Variants in KMT2E observed in about 807,000 individuals in gnomAD.
The protein encoded by KMT2E is lysine methyltransferase 2E (inactive), also known as histone reader KMT2E.
A neutral mutation model predicts 184.6 loss-of-function variants in KMT2E; 30 were observed. The observed-to-expected ratio is 0.16, with a 90% confidence interval of 0.12 to 0.22. KMT2E has a LOEUF of 0.22. Ranked by LOEUF, KMT2E falls within the 10% of genes least tolerant of loss-of-function variation. The pLI is 1.00. For missense variants in KMT2E, 2,023 were observed against 2,237.4 expected, an observed-to-expected ratio of 0.90 and a Z score of 1.93; for synonymous variants, 815 against 776.5, an observed-to-expected ratio of 1.05 and a Z score of -0.82.
rs1799395606 is a variant in KMT2E at position 105,113,029 on chromosome 7, T to C, written c.5273T>C (p.Val1758Ala). The change falls in exon 27 of 27, where the codon GTA (valine) becomes GCA (alanine). Residue 1758 changes from valine to alanine, a missense_variant. Val to Ala is a moderately conservative substitution (Grantham distance 64). This residue lies in a region of KMT2E where 1,108 missense variants were observed against 1,050.9 expected (regional missense o/e 1.05). Transcript: ENST00000311117. ...TTTCCTTCGAGTGCTCATCCAACTG[T>C]ACCACCGTATCCCTCACAAGCTACA... Reference protein sequence around the residue: ...PLFPSSAHPTVPPYPSQATHH... With the variant: ...PLFPSSAHPTAPPYPSQATHH... The C allele has an allele frequency of 2.5e-6, 4 of 1,614,094 alleles. No homozygotes were observed. Among genetic ancestry groups the C allele is most frequent in the Non-Finnish European group, 3.4e-6 (4 of 1,180,030 alleles).
intron 22 of KMT2E, 161 bp from the exon 23 acceptor site, chr7:105,108,781 A>G (rs1475943477): frequency 2.7e-5 from 17 of 627,058 alleles, no homozygotes; most frequent in Admixed American, 2.4e-4. Flanking sequence ...TGCCTGGAAT[A>G]TAGTAGGCAT....
chr7:105,112,727 G>T lies in KMT2E; in HGVS notation c.4971G>T (p.Gly1657=). The change falls in exon 27 of 27, where the codon GGG becomes GGT. Residue 1657 remains glycine (G), a synonymous_variant. Transcript: ENST00000311117. ...HQQHSVAHVV[G]PVHAVTPGSH... ...AACACTCTGTAGCACATGTAGTAGG[G>T]CCTGTTCATGCGGTCACCCCTGGGT... 6.2e-7 allele frequency: 1 copy of T among 1,613,636 alleles called. No individual in the cohort carries two copies.
chr7:105,110,843 G>C lies in KMT2E; in HGVS notation c.4043G>C (p.Cys1348Ser), dbSNP rs1554401868. The change falls in exon 26 of 27, where the codon TGT (cysteine) becomes TCT (serine). Residue 1348 changes from cysteine to serine, a missense_variant. Cys to Ser is a moderately radical substitution (Grantham distance 112). Around this residue, in one of 8 missense-constraint regions of KMT2E, gnomAD observed 1,108 missense variants for 1,050.9 expected, o/e 1.05. Coordinates refer to ENST00000311117, the MANE Select transcript of KMT2E (RefSeq NM_182931.3). ...CPSPDTSQNT[C>S]KSPPKMSKPG... ...TCCCCAGATACTTCTCAAAATACTTGTAAAAGTCCTCCAAAAATGAGCAAG... is the reference window on the plus strand; with the variant it reads ...TCCCCAGATACTTCTCAAAATACTTCTAAAAGTCCTCCAAAAATGAGCAAG... The C allele has an allele frequency of 1.9e-6, 3 of 1,613,776 alleles. No homozygotes were observed. Among genetic ancestry groups the C allele is most frequent in the Non-Finnish European group, 2.5e-6 (3 of 1,179,700 alleles).
At chr7:105,098,531 G>C (rs1361614800) in intron 15 of KMT2E, among the ~76,000 whole-genome samples, 3 of 151,982 alleles carry the variant, frequency 2.0e-5, no homozygotes, top group Non-Finnish European at 2.9e-5. Flanking sequence ...TCAACCTCCT[G>C]AGTAGCTGGG....
At position 105,108,980 on chromosome 7, in the gene KMT2E, T is replaced by C. The variant is rs1178781373; in HGVS notation, c.3507T>C (p.Ala1169=). 2.5e-6 allele frequency: 4 copies of C among 1,613,306 alleles called. No homozygotes were observed. The highest frequency in any genetic ancestry group is 3.4e-6 in the Non-Finnish European group (4 of 1,179,280). ...AATACCGTAAGAGACAACGTGAAGCTAGGAAAAGTGGCTCTAAGACAGAGA... is the reference window on the plus strand; with the variant it reads ...AATACCGTAAGAGACAACGTGAAGCCAGGAAAAGTGGCTCTAAGACAGAGA... ...LLEYRKRQRE[A]RKSGSKTENF... Residue 1169 remains alanine, a synonymous_variant, in exon 23 of 27, where the codon GCT becomes GCC. Coordinates refer to ENST00000311117, the MANE Select transcript of KMT2E (RefSeq NM_182931.3).
intron 13 of KMT2E, among the ~76,000 whole-genome samples, chr7:105,087,277 T>G (rs1371062646): frequency 7.2e-6 from 1 of 139,266 alleles, no homozygotes; most frequent in Non-Finnish European, 1.5e-5. Context: ...ATATAATATA[T>G]AAATATGATA....
chr7:105,106,461 C>A lies in KMT2E; in HGVS notation c.2597-61C>A. On this transcript the variant is annotated intron_variant, in intron 19 of 26. Transcript: ENST00000311117. The stretch of plus-strand genomic sequence containing the variant: ...ATTTTATCTTTCCCAGAATGTGACA[C>A]AAACAGATTTTAACAAATAGCAACA... 7 of 1,433,482 alleles carry A rather than the reference C, an allele frequency of 4.9e-6. No individual in the cohort carries two copies. The South Asian group carries it at 8.2e-5, about 17-fold the overall frequency. The allele number at this position is 1,433,482 out of a possible 1,614,324, so 88.8% of individuals were successfully genotyped here.
Position 105,078,970 on chromosome 7 carries a change from T to A in KMT2E, c.1248+7T>A. The A allele has an allele frequency of 6.5e-7, 1 of 1,540,478 alleles. No homozygotes were observed. The highest frequency in any genetic ancestry group is 9.0e-7 in the Non-Finnish European group (1 of 1,113,856). ...TTGTACACCCAATGCAGAGGTAAGC[T>A]TATAGAAATTTTTTGGGGAGATGTG... On this transcript the variant is annotated splice_region_variant and intron_variant, in intron 12 of 26. Coordinates refer to ENST00000311117, the MANE Select transcript of KMT2E (RefSeq NM_182931.3).
intron 12 of KMT2E, among the ~76,000 whole-genome samples, chr7:105,081,277 G>T (rs1584771616): frequency 6.6e-6 from 1 of 151,926 alleles, no homozygotes; most frequent in African/African-American, 2.4e-5. Context: ...CCAGCTACTC[G>T]GGAGGCTGAG....
intron 15 of KMT2E, among the ~76,000 whole-genome samples, chr7:105,095,851 T>C (rs1798388389): frequency 6.6e-6 from 1 of 152,144 alleles, no homozygotes; most frequent in African/African-American, 2.4e-5. Context: ...ATGGCTGTAA[T>C]CTTCTCATAT....
chr7:105,026,924 A>ACTTT (rs1217778064), intron 1 of KMT2E, among the ~76,000 whole-genome samples: 5 of 152,182 alleles, frequency 3.3e-5, no homozygotes, highest in Non-Finnish European at 5.9e-5. Flanking sequence ...TTCATTAAGG[A>ACTTT]TTTTGGGAAA....
At chr7:105,043,156 T>C (rs185930765) in intron 3 of KMT2E, among the ~76,000 whole-genome samples, 1 of 152,344 alleles carries the variant, frequency 6.6e-6, no homozygotes, top group East Asian at 1.9e-4. Flanking sequence ...CTGTTCTTTT[T>C]CTCTAAATGC....
intron 1 of KMT2E, among the ~76,000 whole-genome samples, chr7:105,019,808 A>G (rs1794872450): frequency 1.3e-5 from 2 of 152,272 alleles, no homozygotes; most frequent in East Asian, 3.9e-4. Context: ...CATATCAGAT[A>G]TTAATTATTA....
intron 3 of KMT2E, among the ~76,000 whole-genome samples, chr7:105,051,571 C>T (rs12531424): frequency 6.6e-6 from 1 of 152,082 alleles, no homozygotes; most frequent in South Asian, 2.1e-4. Flanking sequence ...CCCTTAACCC[C>T]TATGTCTAAT....
rs570507250 is a variant in KMT2E, at chr7:105,040,621, C to A, written c.-114-218C>A. 8.5e-5 allele frequency among the ~76,000 whole-genome samples: 13 copies of A among 152,246 alleles called. No homozygotes were observed. The East Asian group carries it at 2.5e-3, about 29-fold the overall frequency. Reference sequence around the variant, plus strand: ...TCACTAAATATGCCGTAGTAATCTTCTTGTGGCATTCTAAATTCATTCCCT... The same window carrying A: ...TCACTAAATATGCCGTAGTAATCTTATTGTGGCATTCTAAATTCATTCCCT... On this transcript the variant is annotated intron_variant, in intron 2 of 26. Coordinates refer to ENST00000311117, the MANE Select transcript of KMT2E (RefSeq NM_182931.3).
intron 3 of KMT2E, among the ~76,000 whole-genome samples, chr7:105,046,523 T>A (rs56162214): frequency 0.011 from 1,601 of 152,340 alleles, 23 homozygotes; most frequent in African/African-American, 0.037. Flanking sequence ...CATTTTGGCA[T>A]AATTTTTGTA....
rs1266130382 is a variant in KMT2E, at chr7:105,105,630, A to G, written c.2388A>G (p.Pro796=). The change falls in exon 18 of 27, where the codon CCA becomes CCG. Residue 796 remains proline (P), a synonymous_variant. Coordinates refer to ENST00000311117, the MANE Select transcript of KMT2E (RefSeq NM_182931.3). The part of the protein sequence containing the change: ...TPKHYIRFTS[P]FLSEKRRRKE... ...AGCATTATATTAGATTTACTTCACC[A>G]TTCCTTTCAGAAAAAAGGAGAAGAA... 6.2e-7 allele frequency: 1 copy of G among 1,611,678 alleles called. No individual in the cohort carries two copies. The highest frequency in any genetic ancestry group is 8.5e-7 in the Non-Finnish European group (1 of 1,178,932).
intron 15 of KMT2E, among the ~76,000 whole-genome samples, chr7:105,094,772 G>T (rs922817688): frequency 1.3e-5 from 2 of 152,090 alleles, no homozygotes; most frequent in Non-Finnish European, 2.9e-5. Flanking sequence ...TTTTGAGAGA[G>T]ATATCACATT....
At chr7:105,071,603 T>TAC (rs1797314149) in intron 6 of KMT2E, among the ~76,000 whole-genome samples, 1 of 86,020 alleles carries the variant, frequency 1.2e-5, no homozygotes, top group Non-Finnish European at 2.2e-5. Context: ...TATATATATA[T>TAC]ATATATTTTT....
Sources: allele counts gnomAD v4.1 joint callset (sites outside exome capture counted in the v4.1 genomes callset), GRCh38; gene constraint gnomAD v4.1.1; regional missense constraint gnomAD v4.1.1; transcripts MANE v1.5; gene names NCBI Gene and HGNC (gene_info 2026-07-23, HGNC 2026-07-21).